Variants in ELK1 observed in about 807,000 individuals in gnomAD.
ELK1 encodes ETS domain-containing protein Elk-1.
For synonymous variants in ELK1, 163 were observed against 176.3 expected (o/e 0.92, Z 0.60); for missense variants, 254 against 381.5 (o/e 0.67, Z 2.78).
Position 47,638,981 on chromosome X carries a change from C to T in ELK1, c.568G>A (p.Ala190Thr). The T allele has an allele frequency of 8.3e-7, 1 of 1,200,442 alleles. No homozygotes were observed. The highest frequency in any genetic ancestry group is 1.1e-6 in the Non-Finnish European group (1 of 889,836). ...VLPSAAPAGAAAPPSGSRSTS... is the reference protein window; with the variant it reads ...VLPSAAPAGATAPPSGSRSTS... ...CTCCTGCTCCCCGAGGGGGGCGCTG[C>T]TGCCCCTGCAGGAGCTGCACTGGGG... is the stretch of plus-strand genomic sequence containing the variant. The change falls in exon 4 of 7, where the codon GCA (alanine) becomes ACA (threonine). Residue 190 changes from alanine to threonine, a missense_variant. Coordinates refer to ENST00000376983, the MANE Select transcript of ELK1 (RefSeq NM_001114123.3).
rs2058058545 is a variant in ELK1 at position 47,650,455 on chromosome X, T to A, written c.-173A>T. On this transcript the variant is annotated 5_prime_UTR_variant, in exon 1 of 7. Transcript: ENST00000376983. ...TAGCGTGGCGGTGGCGTTGGCAATG[T>A]TGGCAGCTCCGGGGGGCGGGGGCTC... 1 of 357,131 alleles carries A rather than the reference T, an allele frequency of 2.8e-6. No homozygotes were observed. Among genetic ancestry groups the A allele is most frequent in the Admixed American group, 2.7e-5 (1 of 37,515 alleles). The allele number at this position is 357,131 out of a possible 1,213,427, so 29.4% of individuals were successfully genotyped here. A position where few individuals can be genotyped will look rare whatever the true frequency, so the allele number is the denominator to read the frequency against.
intron 4 of ELK1, 121 bp from the exon 5 acceptor site, chrX:47,638,303 C>A: frequency 1.1e-6 from 1 of 877,634 alleles, no homozygotes; most frequent in South Asian, 2.3e-5. Context: ...CATGACTGCA[C>A]ATCAGAGCAA....
chrX:47,640,076 G>GTT (rs2058023375), intron 3 of ELK1, among the ~76,000 whole-genome samples: 1 of 111,440 alleles, frequency 9.0e-6, no homozygotes, highest in Non-Finnish European at 1.9e-5. Flanking sequence ...ACAGCAATTA[G>GTT]ACAAGAATAT....
In ELK1 at chrX:47,638,007, G is replaced by A. The variant is rs755114172; in HGVS notation, c.830C>T (p.Pro277Leu). 35 of 1,211,246 alleles carry A rather than the reference G, an allele frequency of 2.9e-5. No homozygotes were observed. Among genetic ancestry groups the A allele is most frequent in the Non-Finnish European group, 3.8e-5 (34 of 895,339 alleles). ...CCGGGCTGGCACGCCCTCCTGTGGA[G>A]GGACTTCTGGCTCGGCCTTGGTGGT... ...PETTKAEPEV[P>L]PQEGVPARLP... Residue 277 changes from proline to leucine, a missense_variant, in exon 5 of 7, where the codon CCT becomes CTT. By Grantham distance (98) the Pro-to-Leu change is moderately conservative. Transcript: ENST00000376983.
In ELK1 at chrX:47,639,306, G is replaced by A. The variant is rs763088656; in HGVS notation, c.243C>T (p.Phe81=). The A allele has an allele frequency of 7.5e-5, 90 of 1,205,815 alleles. No homozygotes were observed. The highest frequency in any genetic ancestry group is 9.6e-5 in the Non-Finnish European group (86 of 893,716). The part of the protein sequence containing the change: ...NIIRKVSGQK[F]VYKFVSYPEV... ...CAGGGTAGGACACAAACTTGTAGAC[G>A]AACTTCTGGCCGCTCACCTTGCGGA... is the stretch of plus-strand genomic sequence containing the variant. The change falls in exon 4 of 7, where the codon TTC becomes TTT. Residue 81 remains phenylalanine (F), a synonymous_variant. Coordinates refer to ENST00000376983, the MANE Select transcript of ELK1 (RefSeq NM_001114123.3).
chrX:47,641,235 G>A lies in ELK1; in HGVS notation c.207C>T (p.Asp69=). ...GCCCTGGTCTGAGAGACTGTACCTTGTCATAGTAGTACCGCAAGGCCCGGC... is the reference window on the plus strand; with the variant it reads ...GCCCTGGTCTGAGAGACTGTACCTTATCATAGTAGTACCGCAAGGCCCGGC... The part of the protein sequence containing the change: ...KLSRALRYYY[D]KNIIRKVSGQ... Residue 69 remains aspartate, a synonymous_variant, in exon 3 of 7, where the codon GAC becomes GAT. Transcript: ENST00000376983. The A allele has an allele frequency of 8.3e-7, 1 of 1,211,702 alleles. No homozygotes were observed. The highest frequency in any genetic ancestry group is 1.1e-6 in the Non-Finnish European group (1 of 895,235).
intron 2 of ELK1, among the ~76,000 whole-genome samples, chrX:47,647,398 G>A (rs2058047197): frequency 9.0e-6 from 1 of 111,357 alleles, no homozygotes; most frequent in African/African-American, 3.3e-5. Flanking sequence ...CTGAGCTCAG[G>A]CAATCCACCC....
chrX:47,640,308 T>A (rs1276136923), intron 3 of ELK1, among the ~76,000 whole-genome samples: 1 of 111,100 alleles, frequency 9.0e-6, no homozygotes, highest in Non-Finnish European at 1.9e-5. Context: ...ATGAAGGGTG[T>A]GCAGCATATG....
intron 2 of ELK1, among the ~76,000 whole-genome samples, chrX:47,644,062 C>T (rs946979355): frequency 1.8e-5 from 2 of 111,947 alleles, no homozygotes; most frequent in African/African-American, 6.5e-5. Flanking sequence ...ATGAAGTGTC[C>T]GATTAGAGAG....
chrX:47,650,570 C>T (rs772829588), upstream of ELK1: 23 of 302,068 alleles, frequency 7.6e-5, no homozygotes, highest in Non-Finnish European at 1.4e-4. Flanking sequence ...CTAGAAGCCG[C>T]CCCTGCGTTT....
Position 47,636,779 on chromosome X carries a change from G to C in ELK1, c.*50C>G. The C allele has an allele frequency of 9.6e-7, 1 of 1,037,051 alleles. No individual in the cohort carries two copies. Among genetic ancestry groups the C allele is most frequent in the Non-Finnish European group, 1.3e-6 (1 of 778,047 alleles). The allele number at this position is 1,037,051 out of a possible 1,213,427, so 85.5% of individuals were successfully genotyped here. A position where few individuals can be genotyped will look rare whatever the true frequency, so the allele number is the denominator to read the frequency against. On this transcript the variant is annotated 3_prime_UTR_variant, in exon 7 of 7. Coordinates refer to ENST00000376983, the MANE Select transcript of ELK1 (RefSeq NM_001114123.3). ...TCTCCTTGAGATGGCTGGCTGGAGA[G>C]AGCATGGATGGAGTGACCCCAGAAG...
chrX:47,638,152 G>C lies in ELK1; in HGVS notation c.685C>G (p.Leu229Val). 1.7e-6 allele frequency: 2 copies of C among 1,210,291 alleles called. No individual in the cohort carries two copies. Among genetic ancestry groups the C allele is most frequent in the Non-Finnish European group, 2.2e-6 (2 of 894,811 alleles). ...TCCACATTAAGCTCTTCCGATTTCA[G>C]GTTTGGGGCCTCGGGCGGGGTCAGG... ...VILTPPEAPN[L>V]KSEELNVEPG... is the part of the protein sequence containing the mutation. Residue 229 changes from leucine (L) to valine (V), a missense_variant, in exon 5 of 7, where the codon CTG (leucine) becomes GTG (valine). Physicochemically the swap from Leu to Val is conservative, Grantham distance 32 (BLOSUM62 1). Transcript: ENST00000376983.
intron 5 of ELK1, 48 bp downstream of exon 5, chrX:47,637,703 C>T: frequency 8.8e-7 from 1 of 1,132,669 alleles, no homozygotes. Flanking sequence ...ACATGCCAAT[C>T]CCATTGGTGC....
At chrX:47,640,179 G>A (rs1022869726) in intron 3 of ELK1, among the ~76,000 whole-genome samples, 2 of 111,791 alleles carry the variant, frequency 1.8e-5, no homozygotes, top group Non-Finnish European at 3.8e-5. Context: ...AGGTCTGGTG[G>A]GTCTCAGAGA....
At chrX:47,641,194 T>G (rs1352452574) in intron 3 of ELK1, 38 bp downstream of exon 3, 1 of 1,181,630 alleles carries the variant, frequency 8.5e-7, no homozygotes. Flanking sequence ...GATATAAATG[T>G]CAGGGGGGGG....
At chrX:47,644,157 CAA>C (rs1332699446) in intron 2 of ELK1, among the ~76,000 whole-genome samples, 2 of 111,802 alleles carry the variant, frequency 1.8e-5, no homozygotes, top group African/African-American at 6.5e-5. Flanking sequence ...CTCCTGGTGG[CAA>C]AGACAGGCAA....
intron 2 of ELK1, among the ~76,000 whole-genome samples, chrX:47,645,260 C>T (rs1233824107): frequency 9.0e-6 from 1 of 111,394 alleles, no homozygotes; most frequent in Non-Finnish European, 1.9e-5. Context: ...AAATGCAAGC[C>T]AGGCATACGA....
At chrX:47,638,213 G>A (rs2058016386) in intron 4 of ELK1, 31 bp from the exon 5 acceptor site, 3 of 1,193,388 alleles carry the variant, frequency 2.5e-6, no homozygotes, top group Non-Finnish European at 3.4e-6. Flanking sequence ...AAGAGGGTGT[G>A]TAAGGATTGT....
chrX:47,646,274 T>C (rs2058043111), intron 2 of ELK1, among the ~76,000 whole-genome samples: 1 of 112,098 alleles, frequency 8.9e-6, no homozygotes, highest in Non-Finnish European at 1.9e-5. Flanking sequence ...AAACATCTTT[T>C]ATGCCTGTGC....
Sources: allele counts gnomAD v4.1 joint callset (sites outside exome capture counted in the v4.1 genomes callset), GRCh38; gene constraint gnomAD v4.1.1; transcripts MANE v1.5; gene names NCBI Gene and HGNC (gene_info 2026-07-23, HGNC 2026-07-21).